The following ATP2B2 variants were observed in gnomAD, a reference collection of about 807,000 sequenced individuals.
ATP2B2 encodes the protein plasma membrane calcium-transporting ATPase 2.
A neutral mutation model predicts 120.0 loss-of-function variants in ATP2B2; 15 were observed. That is an observed-to-expected ratio of 0.12 (90% CI 0.08 to 0.19). The LOEUF (loss-of-function observed/expected upper bound fraction) is 0.19. Among genes scored for constraint, ATP2B2 ranks in the 10% least tolerant of loss-of-function variants. ATP2B2 has a pLI of 1.00. For missense variants in ATP2B2, 1,045 were observed against 1,719.8 expected (o/e 0.61, Z 6.94); for synonymous variants, 694 against 700.3 (o/e 0.99, Z 0.14).
intron 1 of ATP2B2, among the ~76,000 whole-genome samples, chr3:10,483,188 C>T (rs2065483557): frequency 6.6e-6 from 1 of 152,224 alleles, no homozygotes. Flanking sequence ...TCAGACCCTG[C>T]ACACACATTG....
At chr3:10,604,267 T>TTAAG (rs1359300896) in intron 2 of ATP2B2, among the ~76,000 whole-genome samples, 1 of 152,148 alleles carries the variant, frequency 6.6e-6, no homozygotes, top group Non-Finnish European at 1.5e-5. Flanking sequence ...TGGAGCCCTG[T>TTAAG]TAAGACATCC....
intron 1 of ATP2B2, among the ~76,000 whole-genome samples, chr3:10,494,863 C>T (rs1305893791): frequency 6.6e-6 from 1 of 152,216 alleles, no homozygotes; most frequent in African/African-American, 2.4e-5. Context: ...TCATTTCCCC[C>T]CAAGACAGAG....
At chr3:10,565,976 G>T (rs954723043) in intron 2 of ATP2B2, among the ~76,000 whole-genome samples, 6 of 151,864 alleles carry the variant, frequency 4.0e-5, no homozygotes, top group Non-Finnish European at 7.4e-5. Context: ...CTTCCCATCT[G>T]TCCACCCACT....
intron 1 of ATP2B2, among the ~76,000 whole-genome samples, chr3:10,452,359 TC>T (rs1422990811): frequency 6.6e-6 from 1 of 152,150 alleles, no homozygotes; most frequent in African/African-American, 2.4e-5. Context: ...TACGGCTCCC[TC>T]CCCAGTCTAG....
intron 18 of ATP2B2, among the ~76,000 whole-genome samples, chr3:10,344,432 AGCT>A (rs2060371173): frequency 6.6e-6 from 1 of 152,194 alleles, no homozygotes; most frequent in African/African-American, 2.4e-5. Flanking sequence ...GGGTAGCCGG[AGCT>A]GCCACCTATA....
Position 10,329,244 on chromosome 3 carries a change from G to A in ATP2B2, c.3421-119C>T. ...GCAAAGCAGGTGGCTGGAATCCATAGTCGCTGGGTGTTATTAGCATTGACA... is the reference window on the plus strand; with the variant it reads ...GCAAAGCAGGTGGCTGGAATCCATAATCGCTGGGTGTTATTAGCATTGACA... On this transcript the variant is annotated intron_variant, in intron 22 of 22. Coordinates refer to ENST00000360273, the MANE Select transcript of ATP2B2 (RefSeq NM_001001331.4). This position sits in a 1 kb window ranked among gnomAD's most constrained non-coding sequence, Gnocchi z 5.9. The A allele has an allele frequency of 1.0e-6, 1 of 987,320 alleles. No homozygotes were observed. The highest frequency in any genetic ancestry group is 1.6e-6 in the Non-Finnish European group (1 of 630,510). 61.2% of individuals were successfully genotyped at this position (987,320 alleles called of 1,614,324 possible).
At chr3:10,345,233 C>G (rs560455965) in intron 18 of ATP2B2, 151 bp downstream of exon 18, 1 of 856,858 alleles carries the variant, frequency 1.2e-6, no homozygotes, top group African/African-American at 1.7e-5. Context: ...CTCTGTGATG[C>G]AGTTCCTGGC....
intron 1 of ATP2B2, among the ~76,000 whole-genome samples, chr3:10,678,679 C>A (rs953859338): frequency 6.6e-6 from 1 of 152,154 alleles, no homozygotes; most frequent in Admixed American, 6.5e-5. Flanking sequence ...GGGATCCCGG[C>A]CCCACCTACC....
intron 2 of ATP2B2, among the ~76,000 whole-genome samples, chr3:10,580,125 G>A (rs2068354798): frequency 6.7e-6 from 1 of 150,176 alleles, no homozygotes; most frequent in Non-Finnish European, 1.5e-5. Flanking sequence ...CCATGTATAG[G>A]CAGAGGAACT....
At chr3:10,594,428 G>A (rs1272629429) in intron 2 of ATP2B2, among the ~76,000 whole-genome samples, 1 of 152,054 alleles carries the variant, frequency 6.6e-6, no homozygotes. Flanking sequence ...GGACATGGAT[G>A]AAGCTGGAAA....
chr3:10,467,023 T>G (rs1468371676), intron 1 of ATP2B2, among the ~76,000 whole-genome samples: 1 of 152,232 alleles, frequency 6.6e-6, no homozygotes, highest in African/African-American at 2.4e-5. Flanking sequence ...CTTCTCTTTT[T>G]GGCCTCAGTT....
At position 10,340,584 on chromosome 3, in the gene ATP2B2, G is replaced by T; in HGVS notation, c.3038C>A (p.Ala1013Asp). Residue 1013 changes from alanine to aspartate, a missense_variant, in exon 20 of 23, where the codon GCC becomes GAC. Transcript: ENST00000360273. The surrounding 1 kb of genome is among the most constrained non-coding windows in gnomAD (Gnocchi z 5.0). Reference sequence around the variant, plus strand: ...ATTGCGCTCGCCGTGGATCTTGCGGGCGTTGATCTCGTTGAAGAGCTGCAT... The same window carrying T: ...ATTGCGCTCGCCGTGGATCTTGCGGTCGTTGATCTCGTTGAAGAGCTGCAT... ...VMMQLFNEIN[A>D]RKIHGERNVF... 1 of 1,614,276 alleles carries T rather than the reference G, an allele frequency of 6.2e-7. No homozygotes were observed. The highest frequency in any genetic ancestry group is 8.5e-7 in the Non-Finnish European group (1 of 1,180,050).
At position 10,671,825 on chromosome 3, in the gene ATP2B2, G is replaced by A. The variant is rs531156180; in HGVS notation, c.-460+36090C>T. Reference sequence around the variant, plus strand: ...ACATTTTTGTCTGCTTAGTCAAGGAGAGACCCAAAGACACTGGTGGCCTCG... The same window carrying A: ...ACATTTTTGTCTGCTTAGTCAAGGAAAGACCCAAAGACACTGGTGGCCTCG... On this transcript the variant is annotated intron_variant, in intron 1 of 21. Transcript: ENST00000646379. 3.9e-4 allele frequency among the ~76,000 whole-genome samples: 60 copies of A among 152,238 alleles called. 1 individual carries two copies. The South Asian group carries it at 0.012, about 30-fold the overall frequency.
intron 12 of ATP2B2, among the ~76,000 whole-genome samples, chr3:10,370,389 C>T (rs1477643426): frequency 2.0e-5 from 3 of 152,206 alleles, no homozygotes; most frequent in African/African-American, 7.2e-5. Context: ...TCCTGGGGAG[C>T]AGAATAAAGC....
chr3:10,486,324 C>CGTGTGTGCCT (rs763360449), intron 1 of ATP2B2, among the ~76,000 whole-genome samples: 1 of 117,088 alleles, frequency 8.5e-6, no homozygotes, highest in African/African-American at 2.7e-5. Context: ...TGTGTGCGTG[C>CGTGTGTGCCT]GTGTGTGTGT....
At chr3:10,538,683 A>G (rs1339597179) in intron 2 of ATP2B2, among the ~76,000 whole-genome samples, 1 of 152,230 alleles carries the variant, frequency 6.6e-6, no homozygotes, top group Non-Finnish European at 1.5e-5. Context: ...ACAGTGCTTC[A>G]TGTTAAAACT....
At chr3:10,493,646 G>A (rs1254533367) in intron 1 of ATP2B2, among the ~76,000 whole-genome samples, 1 of 152,216 alleles carries the variant, frequency 6.6e-6, no homozygotes, top group Non-Finnish European at 1.5e-5. Flanking sequence ...GGCAAGAGAG[G>A]ATCTGGGGGA....
At chr3:10,352,902 A>G (rs2060617810) in intron 14 of ATP2B2, among the ~76,000 whole-genome samples, 1 of 152,184 alleles carries the variant, frequency 6.6e-6, no homozygotes, top group South Asian at 2.1e-4. Context: ...TTGGTTTCAA[A>G]GACGCTGGAG....
intron 1 of ATP2B2, among the ~76,000 whole-genome samples, chr3:10,655,084 G>A (rs2117397): frequency 0.22 from 33,616 of 152,104 alleles, 6,227 homozygotes; most frequent in African/African-American, 0.5. Context: ...GTCAATAAAA[G>A]CACATATGCC....
Sources: gnomAD v4.1 joint callset for allele counts (sites outside exome capture counted in the v4.1 genomes callset) on GRCh38, gnomAD v4.1.1 for gene constraint, Gnocchi (gnomAD v3.1) non-coding constraint, MANE v1.5 for transcripts, NCBI Gene and HGNC (gene_info 2026-07-23, HGNC 2026-07-21) for gene names.